The following SCN4B variants were observed in gnomAD, a reference collection of about 807,000 sequenced individuals.
SCN4B encodes the protein sodium channel regulatory subunit beta-4.
Under a neutral mutation model 19.6 loss-of-function variants are expected in SCN4B, and 20 were observed. The observed-to-expected ratio is 1.02, with a 90% CI of 0.72 to 1.48. SCN4B has a LOEUF of 1.48. SCN4B is among the 40% of genes most tolerant of loss of function. The pLI is 0.00. For missense variants in SCN4B, 271 were observed against 287.5 expected (o/e 0.94, Z 0.42); for synonymous variants, 127 against 122.8 (o/e 1.03, Z -0.22).
intron 1 of SCN4B, among the ~76,000 whole-genome samples, chr11:118,151,974 A>ACGGAAT (rs1191324576): frequency 1.3e-5 from 2 of 152,216 alleles, no homozygotes; most frequent in African/African-American, 2.4e-5. Flanking sequence ...GGTCTTCCCT[A>ACGGAAT]CGGAATCTCT....
chr11:118,141,612 A>C, intron 3 of SCN4B: 1 of 528,068 alleles, frequency 1.9e-6, no homozygotes, highest in Non-Finnish European at 3.4e-6. Flanking sequence ...GGAATAAATC[A>C]GAATTGGAGC....
chr11:118,146,595 G>C (rs1432188346), intron 1 of SCN4B, among the ~76,000 whole-genome samples: 2 of 152,228 alleles, frequency 1.3e-5, no homozygotes, highest in Non-Finnish European at 2.9e-5. Context: ...ACAGCAGGCA[G>C]CCCTGCTTGC....
Position 118,143,817 on chromosome 11 carries a change from A to G in SCN4B, c.463+16T>C. The G allele has an allele frequency of 3.1e-6, 5 of 1,596,710 alleles. No homozygotes were observed. The highest frequency in any genetic ancestry group is 4.3e-6 in the Non-Finnish European group (5 of 1,165,998). Reference sequence around the variant, plus strand: ...CCTTCCCACGCCACTGCCCTGTGCCAGCCCCTACTGCATACGTCTATCAAC... The same window carrying G: ...CCTTCCCACGCCACTGCCCTGTGCCGGCCCCTACTGCATACGTCTATCAAC... On this transcript the variant is annotated intron_variant, in intron 3 of 4. Coordinates refer to ENST00000324727, the MANE Select transcript of SCN4B (RefSeq NM_174934.4).
Position 118,143,829 on chromosome 11 carries a change from A to AT in SCN4B, c.463+3dup. 6.2e-7 allele frequency: 1 copy of AT among 1,609,618 alleles called. No individual in the cohort carries two copies. The highest frequency in any genetic ancestry group is 8.5e-7 in the Non-Finnish European group (1 of 1,177,544). On this transcript the variant is annotated splice_donor_region_variant and intron_variant, in intron 3 of 4. Transcript: ENST00000324727. ...ACTGCCCTGTGCCAGCCCCTACTGC[A>AT]TACGTCTATCAACGACTTGGAGGAA...
intron 3 of SCN4B, 39 bp from the exon 4 acceptor site, chr11:118,141,375 G>T (rs1948097536): frequency 6.2e-7 from 1 of 1,611,608 alleles, no homozygotes; most frequent in African/African-American, 1.3e-5. Flanking sequence ...AAGGCACAAA[G>T]GGAGCAAGAG....
In SCN4B at chr11:118,136,116, G is replaced by C; in HGVS notation, c.*911C>G. 4.4e-6 allele frequency: 2 copies of C among 452,112 alleles called. No individual in the cohort carries two copies. The highest frequency in any genetic ancestry group is 8.9e-6 in the Non-Finnish European group (2 of 225,532). The allele number at this position is 452,112 out of a possible 1,614,324, so 28.0% of individuals were successfully genotyped here. A position where few individuals can be genotyped will look rare whatever the true frequency, so the allele number is the denominator to read the frequency against. On this transcript the variant is annotated 3_prime_UTR_variant, in exon 5 of 5. Coordinates refer to ENST00000324727, the MANE Select transcript of SCN4B (RefSeq NM_174934.4). Reference sequence around the variant, plus strand: ...GAGGGGGAGAAGCAGGGGAGAGCTGGGCTCAGGAGTGCCCAGAGTGGCGAT... The same window carrying C: ...GAGGGGGAGAAGCAGGGGAGAGCTGCGCTCAGGAGTGCCCAGAGTGGCGAT...
Position 118,136,280 on chromosome 11 carries a change from G to A in SCN4B, c.*747C>T, listed in dbSNP as rs916975282. The A allele has an allele frequency of 3.1e-5, 14 of 453,942 alleles. No homozygotes were observed. Among genetic ancestry groups the A allele is most frequent in the East Asian group, 7.0e-5 (1 of 14,372 alleles). 28.1% of individuals were successfully genotyped at this position (453,942 alleles called of 1,614,324 possible). On this transcript the variant is annotated 3_prime_UTR_variant, in exon 5 of 5. Coordinates refer to ENST00000324727, the MANE Select transcript of SCN4B (RefSeq NM_174934.4). ...GCTTGGAAAGGCATAGGGAGCACTC[G>A]GGTACTCCAGGAAGGCTCGAGGGGC...
intron 3 of SCN4B, chr11:118,141,585 G>A: frequency 1.8e-6 from 1 of 571,108 alleles, no homozygotes. Context: ...TCCCACAGAT[G>A]CACTCACACG....
In SCN4B at chr11:118,135,247, G is replaced by A. The variant is rs1947978685; in HGVS notation, c.*1780C>T. 2.2e-6 allele frequency: 1 copy of A among 453,698 alleles called. No homozygotes were observed. Among genetic ancestry groups the A allele is most frequent in the Non-Finnish European group, 4.4e-6 (1 of 226,554 alleles). 28.1% of individuals were successfully genotyped at this position (453,698 alleles called of 1,614,324 possible). A position where few individuals can be genotyped will look rare whatever the true frequency, so the allele number is the denominator to read the frequency against. On this transcript the variant is annotated 3_prime_UTR_variant, in exon 5 of 5. Transcript: ENST00000324727. ...GACGGGGAACTGGTGAGCCCAGCAG[G>A]TTGGCTAAGGGACACTGGCCACAGC...
intron 1 of SCN4B, among the ~76,000 whole-genome samples, chr11:118,152,076 G>C (rs1425268259): frequency 6.6e-6 from 1 of 152,162 alleles, no homozygotes; most frequent in African/African-American, 2.4e-5. Flanking sequence ...GCTGCTGTAG[G>C]GAAGGCAGTG....
In SCN4B at chr11:118,135,684, G is replaced by A. The variant is rs886047723; in HGVS notation, c.*1343C>T. 1.5e-5 allele frequency: 7 copies of A among 454,352 alleles called. No homozygotes were observed. Among genetic ancestry groups the A allele is most frequent in the African/African-American group, 4.0e-5 (2 of 49,986 alleles). 28.1% of individuals were successfully genotyped at this position (454,352 alleles called of 1,614,324 possible). A position where few individuals can be genotyped will look rare whatever the true frequency, so the allele number is the denominator to read the frequency against. On this transcript the variant is annotated 3_prime_UTR_variant, in exon 5 of 5. Transcript: ENST00000324727. ...GCCCCCTCTATGACCCTGGGGAGGG[G>A]AGGGCTGGCGAACCCTCACCAGCAC... is the stretch of plus-strand genomic sequence containing the variant.
At position 118,145,058 on chromosome 11, in the gene SCN4B, A is replaced by G. The variant is rs1276703232; in HGVS notation, c.233T>C (p.Ile78Thr). The G allele has an allele frequency of 6.2e-7, 1 of 1,613,938 alleles. No homozygotes were observed. Among genetic ancestry groups the G allele is most frequent in the Non-Finnish European group, 8.5e-7 (1 of 1,179,924 alleles). ...ACTGTTCTTCCTCCAAATACTTACAATCTTGAATGCGTCACTGCTGTTGTA... is the reference window on the plus strand; with the variant it reads ...ACTGTTCTTCCTCCAAATACTTACAGTCTTGAATGCGTCACTGCTGTTGTA... ...WTYNSSDAFK[I>T]LIEGTVKNEK... is the part of the protein sequence containing the mutation. Residue 78 changes from isoleucine (I) to threonine (T), a missense_variant and splice_region_variant, in exon 2 of 5, where the codon ATT (isoleucine) becomes ACT (threonine). Ile to Thr is a moderately conservative substitution (Grantham distance 89). Transcript: ENST00000324727.
chr11:118,148,435 A>G lies in SCN4B; in HGVS notation c.62-3206T>C. On this transcript the variant is annotated intron_variant, in intron 1 of 4. Transcript: ENST00000324727. This position sits in a 1 kb window ranked among gnomAD's most constrained non-coding sequence, Gnocchi z 4.0. ...CCGGAGGGCTGCTTCAGGATGACCA[A>G]GTCCAGAGAGGACTGGTGAGCATGC... 6.6e-6 allele frequency among the ~76,000 whole-genome samples: 1 copy of G among 152,234 alleles called. No homozygotes were observed.
rs1439518740 is a variant in SCN4B, at chr11:118,134,185, T to A, written c.*2842A>T. On this transcript the variant is annotated 3_prime_UTR_variant, in exon 5 of 5. Coordinates refer to ENST00000324727, the MANE Select transcript of SCN4B (RefSeq NM_174934.4). ...TTATTCGGGCTGCCTTCTGTTCAAT[T>A]ACGACATGGGGAGAAGCCCAGAACC... The A allele has an allele frequency of 2.2e-6, 1 of 454,210 alleles. No homozygotes were observed. The highest frequency in any genetic ancestry group is 2.3e-5 in the Admixed American group (1 of 42,588). 28.1% of individuals were successfully genotyped at this position (454,210 alleles called of 1,614,324 possible).
chr11:118,145,929 G>T (rs972641488), intron 1 of SCN4B, among the ~76,000 whole-genome samples: 1 of 152,214 alleles, frequency 6.6e-6, no homozygotes, highest in Admixed American at 6.5e-5. Flanking sequence ...CTGGCAGGGG[G>T]GAACACGGCG....
rs1482645887 is a variant in SCN4B at position 118,145,219 on chromosome 11, C to A, written c.72G>T (p.Leu24=). 6.2e-7 allele frequency: 1 copy of A among 1,614,000 alleles called. No individual in the cohort carries two copies. The highest frequency in any genetic ancestry group is 1.3e-5 in the African/African-American group (1 of 74,992). ...CCTCCAGCGACAGGGTTACGGGGAG[C>A]AGGAAGAGGCCTGTGTAAGGAGCAC... ...WLGTGLLGLF[L]LPVTLSLEVS... Residue 24 remains leucine (L), a synonymous_variant, in exon 2 of 5, where the codon CTG becomes CTT. Transcript: ENST00000324727.
At chr11:118,149,608 G>A (rs1226425956) in intron 1 of SCN4B, among the ~76,000 whole-genome samples, 1 of 152,214 alleles carries the variant, frequency 6.6e-6, no homozygotes, top group Non-Finnish European at 1.5e-5. Context: ...TTGCTGGTAT[G>A]AAAGCATGCC....
intron 2 of SCN4B, among the ~76,000 whole-genome samples, chr11:118,144,621 G>A (rs1591436459): frequency 2.0e-5 from 3 of 152,006 alleles, no homozygotes; most frequent in Non-Finnish European, 2.9e-5. Context: ...CCCCACCGCA[G>A]CCGCGCCAAT....
rs548222780 is a variant in SCN4B, at chr11:118,135,399, T to A, written c.*1628A>T. 1 of 454,060 alleles carries A rather than the reference T, an allele frequency of 2.2e-6. No individual in the cohort carries two copies. 28.1% of individuals were successfully genotyped at this position (454,060 alleles called of 1,614,324 possible). On this transcript the variant is annotated 3_prime_UTR_variant, in exon 5 of 5. Coordinates refer to ENST00000324727, the MANE Select transcript of SCN4B (RefSeq NM_174934.4). ...CAAACTCTCTGAAAAAGGGGGCTAC[T>A]CCTCTCTCATCCCTCCTAGGGGCCC...
Sources: gnomAD v4.1 joint callset for allele counts (sites outside exome capture counted in the v4.1 genomes callset) on GRCh38, gnomAD v4.1.1 for gene constraint, Gnocchi (gnomAD v3.1) non-coding constraint, MANE v1.5 for transcripts, NCBI Gene and HGNC (gene_info 2026-07-23, HGNC 2026-07-21) for gene names.